The following ADCK1 variants were observed in gnomAD, a reference collection of about 807,000 sequenced individuals.
ADCK1 encodes aarF domain-containing protein kinase 1.
A neutral mutation model predicts 52.3 loss-of-function variants in ADCK1; 41 were observed. That is an observed-to-expected ratio of 0.78 (90% CI 0.61 to 1.02). The LOEUF (loss-of-function observed/expected upper bound fraction) is 1.02, where lower values mean the gene tolerates loss of function less well. ADCK1 is among the 50% of genes least tolerant of loss of function. The pLI, the probability that ADCK1 is intolerant of heterozygous loss-of-function variation, is 0.00. For synonymous variants in ADCK1, 250 were observed against 274.6 expected (o/e 0.91, Z 0.89); for missense variants, 658 against 679.5 (o/e 0.97, Z 0.35).
At chr14:77,886,945 C>T (rs909774798) in intron 4 of ADCK1, 146 bp from the exon 5 acceptor site, 1 of 670,072 alleles carries the variant, frequency 1.5e-6, no homozygotes, top group Non-Finnish European at 2.1e-6. Context: ...CACACACGCA[C>T]AACACACACA....
chr14:77,926,999 C>T (rs2084212664), intron 9 of ADCK1, among the ~76,000 whole-genome samples: 1 of 152,214 alleles, frequency 6.6e-6, no homozygotes, highest in African/African-American at 2.4e-5. Flanking sequence ...CCAGCTGAGG[C>T]CCCTGCTCAC....
At chr14:77,912,392 C>T (rs1432031594) in intron 7 of ADCK1, among the ~76,000 whole-genome samples, 1 of 150,632 alleles carries the variant, frequency 6.6e-6, no homozygotes, top group African/African-American at 2.5e-5. Context: ...TGTCTCTTAC[C>T]AACTAACATC....
At chr14:77,879,636 T>C (rs874434) in intron 4 of ADCK1, among the ~76,000 whole-genome samples, 4,993 of 152,286 alleles carry the variant, frequency 0.033, 147 homozygotes, top group South Asian at 0.12. Flanking sequence ...TAGTGACTTA[T>C]GCAGCGAGAA....
intron 3 of ADCK1, among the ~76,000 whole-genome samples, chr14:77,824,369 A>G (rs2081646681): frequency 6.6e-6 from 1 of 152,034 alleles, no homozygotes; most frequent in Non-Finnish European, 1.5e-5. Flanking sequence ...AATAATCTCT[A>G]ATAGATAGTC....
In ADCK1 at chr14:77,933,212, T is replaced by C. The variant is rs1309972877; in HGVS notation, c.1401-8T>C. 14 of 1,611,192 alleles carry C rather than the reference T, an allele frequency of 8.7e-6. No individual in the cohort carries two copies. Among genetic ancestry groups the C allele is most frequent in the Non-Finnish European group, 1.2e-5 (14 of 1,177,596 alleles). On this transcript the variant is annotated splice_region_variant and splice_polypyrimidine_tract_variant and intron_variant, in intron 10 of 10. Coordinates refer to ENST00000238561, the MANE Select transcript of ADCK1 (RefSeq NM_020421.4). ...CTCTTTTCTCCTTTTTTCTTTCCCT[T>C]TTTCCAGGCACAAGAAGAAGAATAC... is the stretch of plus-strand genomic sequence containing the variant.
chr14:77,893,567 G>A (rs373642151), intron 5 of ADCK1, among the ~76,000 whole-genome samples: 25 of 151,968 alleles, frequency 1.6e-4, no homozygotes, highest in African/African-American at 5.8e-4. Context: ...GCTATGTTGG[G>A]GTGGGACTCT....
rs993965267 is a variant in ADCK1, at chr14:77,866,339, A to G, written c.423+7060A>G. On this transcript the variant is annotated intron_variant, in intron 4 of 10. Coordinates refer to ENST00000238561, the MANE Select transcript of ADCK1 (RefSeq NM_020421.4). ...TGACCGAAATGTTGTTATGCGGCAC[A>G]TGACTGTACTGTTTTGCTAGAATAA... is the stretch of plus-strand genomic sequence containing the variant. Among the ~76,000 whole-genome samples the G allele has an allele frequency of 2.6e-5, 4 of 152,216 alleles. No homozygotes were observed. The South Asian group carries it at 8.3e-4, about 32-fold the overall frequency.
chr14:77,911,535 C>T (rs1277774489), intron 7 of ADCK1, among the ~76,000 whole-genome samples: 2 of 152,178 alleles, frequency 1.3e-5, no homozygotes, highest in African/African-American at 4.8e-5. Flanking sequence ...TCAAGGATCA[C>T]TTCATAGAAA....
chr14:77,824,713 C>T (rs754396704), intron 3 of ADCK1, among the ~76,000 whole-genome samples: 4 of 151,888 alleles, frequency 2.6e-5, no homozygotes, highest in Non-Finnish European at 5.9e-5. Context: ...AGATTACAGG[C>T]GTGAGCCACC....
chr14:77,842,429 A>G (rs950690022), intron 3 of ADCK1, among the ~76,000 whole-genome samples: 1 of 130,218 alleles, frequency 7.7e-6, no homozygotes, highest in Non-Finnish European at 1.6e-5. Flanking sequence ...TCTTCCCTGT[A>G]TCTTTCAGGG....
At chr14:77,882,360 T>G (rs2083046688) in intron 4 of ADCK1, among the ~76,000 whole-genome samples, 1 of 152,264 alleles carries the variant, frequency 6.6e-6, no homozygotes, top group African/African-American at 2.4e-5. Flanking sequence ...AAGTGGGAAC[T>G]GCTTGGTCTT....
chr14:77,910,476 A>G (rs2083767587), intron 7 of ADCK1, among the ~76,000 whole-genome samples: 1 of 151,900 alleles, frequency 6.6e-6, no homozygotes, highest in Non-Finnish European at 1.5e-5. Context: ...ATGGGAGGCC[A>G]CCTCTGGCCT....
intron 2 of ADCK1, 83 bp downstream of exon 2, chr14:77,819,196 G>C: frequency 6.4e-7 from 1 of 1,571,126 alleles, no homozygotes; most frequent in Non-Finnish European, 8.7e-7. Flanking sequence ...AGACATGCCT[G>C]CTATGCATAT....
At chr14:77,808,735 C>T (rs902991880) in intron 1 of ADCK1, among the ~76,000 whole-genome samples, 1 of 152,124 alleles carries the variant, frequency 6.6e-6, no homozygotes, top group Non-Finnish European at 1.5e-5. Flanking sequence ...ACTACCACGC[C>T]TGGTTAATTT....
At chr14:77,813,424 C>T (rs576316629) in intron 1 of ADCK1, among the ~76,000 whole-genome samples, 224 of 152,312 alleles carry the variant, frequency 1.5e-3, no homozygotes, top group African/African-American at 5.1e-3. Flanking sequence ...AATTCTCCTG[C>T]CTCAGCCTTC....
At chr14:77,813,755 C>T (rs1159781031) in intron 1 of ADCK1, among the ~76,000 whole-genome samples, 1 of 151,496 alleles carries the variant, frequency 6.6e-6, no homozygotes, top group African/African-American at 2.4e-5. Context: ...CAAAGCCTCT[C>T]TTTGTTTTCC....
chr14:77,802,587 A>G, intron 1 of ADCK1, among the ~76,000 whole-genome samples: 1 of 151,000 alleles, frequency 6.6e-6, no homozygotes. Context: ...GGATTCCTTT[A>G]TTTAATCAAC....
chr14:77,811,927 T>C (rs1450172423), intron 1 of ADCK1, among the ~76,000 whole-genome samples: 2 of 152,204 alleles, frequency 1.3e-5, no homozygotes, highest in African/African-American at 4.8e-5. Context: ...AAGAGAAATA[T>C]CAAGGAAATA....
intron 2 of ADCK1, chr14:77,820,896 A>C (rs1009031094): frequency 6.6e-6 from 1 of 151,696 alleles, no homozygotes; most frequent in Non-Finnish European, 1.5e-5. Flanking sequence ...CTGTATTTTT[A>C]GTAGAGATGG....
Sources: gnomAD v4.1 joint callset for allele counts (sites outside exome capture counted in the v4.1 genomes callset) on GRCh38, gnomAD v4.1.1 for gene constraint, MANE v1.5 for transcripts, NCBI Gene and HGNC (gene_info 2026-07-23, HGNC 2026-07-21) for gene names.